ABCA9: variants seen among roughly 807,000 people sequenced by gnomAD.
The protein encoded by ABCA9 is ATP-binding cassette sub-family A member 9.
In ABCA9, 183 loss-of-function variants were observed where a neutral mutation model predicts 205.3. The observed-to-expected ratio is 0.89, with a 90% CI of 0.79 to 1.01. The LOEUF (loss-of-function observed/expected upper bound fraction) is 1.01. ABCA9 is among the 50% of genes least tolerant of loss of function. ABCA9 has a pLI of 0.00. For synonymous variants in ABCA9, 651 were observed against 683.3 expected (o/e 0.95, Z 0.74); for missense variants, 1,805 against 1,912.4 (o/e 0.94, Z 1.05).
intron 23 of ABCA9, among the ~76,000 whole-genome samples, chr17:69,009,119 A>C (rs1353612904): frequency 4.0e-5 from 6 of 150,280 alleles, no homozygotes; most frequent in Admixed American, 6.6e-5. Flanking sequence ...CTGGCTTCAT[A>C]TTGGTCACGG....
the ABCA9 span, among the ~76,000 whole-genome samples, chr17:69,066,290 C>T: frequency 1.3e-5 from 2 of 152,000 alleles, no homozygotes; most frequent in Non-Finnish European, 2.9e-5. Flanking sequence ...CCTCACAGAG[C>T]CTGGAACATG....
rs567412760 is a variant in ABCA9 at position 69,023,598 on chromosome 17, A to G, written c.2281+616T>C. 2.0e-4 allele frequency among the ~76,000 whole-genome samples: 31 copies of G among 152,300 alleles called. No individual in the cohort carries two copies. Among genetic ancestry groups the G allele is most frequent in the African/African-American group, 7.0e-4 (29 of 41,546 alleles). On this transcript the variant is annotated intron_variant, in intron 17 of 38. Coordinates refer to ENST00000340001, the MANE Select transcript of ABCA9 (RefSeq NM_080283.4). This position sits in a 1 kb window ranked among gnomAD's most constrained non-coding sequence, Gnocchi z 4.2. Reference sequence around the variant, plus strand: ...TTCTTGAACTTGATATGGCAAACACATTTTTACAGAGTAAACTTAAGAAGC... The same window carrying G: ...TTCTTGAACTTGATATGGCAAACACGTTTTTACAGAGTAAACTTAAGAAGC...
chr17:69,024,492 G>T, intron 16 of ABCA9, 139 bp from the exon 17 acceptor site: 1 of 772,550 alleles, frequency 1.3e-6, no homozygotes, highest in Non-Finnish European at 2.0e-6. Context: ...AAAGTAAGAT[G>T]TAAAACTACT....
At position 69,020,401 on chromosome 17, in the gene ABCA9, T is replaced by C. The variant is rs2070771557; in HGVS notation, c.2587A>G (p.Ser863Gly). Residue 863 changes from serine to glycine, a missense_variant, in exon 19 of 39, where the codon AGC (serine) becomes GGC (glycine). Ser to Gly is a moderately conservative substitution (Grantham distance 56). Coordinates refer to ENST00000340001, the MANE Select transcript of ABCA9 (RefSeq NM_080283.4). ...TCAGATACTCACATAGTCCACAGGC[T>C]TTTTCTTTCTTTCTTTAACTTTAGG... ...RFLKLKKERKSLWTILLLFGI... is the reference protein window; with the variant it reads ...RFLKLKKERKGLWTILLLFGI... 6.2e-7 allele frequency: 1 copy of C among 1,613,348 alleles called. No homozygotes were observed. Among genetic ancestry groups the C allele is most frequent in the Non-Finnish European group, 8.5e-7 (1 of 1,179,640 alleles).
At chr17:68,989,256 TCACACACACACACACACACACACA>T (rs71293542) in intron 30 of ABCA9, 138 bp from the exon 31 acceptor site, 2 of 242,996 alleles carry the variant, frequency 8.2e-6, no homozygotes, top group Non-Finnish European at 1.7e-5. Flanking sequence ...TCTCTCTCTC[TCACACACACACACACACACACACA>T]CACACACACA....
the ABCA9 span, among the ~76,000 whole-genome samples, chr17:69,071,290 T>C: frequency 6.6e-6 from 1 of 152,194 alleles, no homozygotes; most frequent in Non-Finnish European, 1.5e-5. Context: ...CTGTGCCTTC[T>C]GACAGAGAGA....
At chr17:68,979,251 G>T (rs1478850235) in intron 37 of ABCA9, among the ~76,000 whole-genome samples, 1 of 151,824 alleles carries the variant, frequency 6.6e-6, no homozygotes, top group Admixed American at 6.6e-5. Flanking sequence ...TCTTCAAGGA[G>T]AACTACAAAC....
intron 1 of ABCA9, among the ~76,000 whole-genome samples, chr17:69,059,902 C>T (rs1020614320): frequency 5.9e-5 from 9 of 152,048 alleles, no homozygotes; most frequent in Admixed American, 4.6e-4. Context: ...ATCATGCCAT[C>T]GGAGCAGGCT....
chr17:69,044,875 C>T (rs550706074), intron 4 of ABCA9, among the ~76,000 whole-genome samples: 29 of 152,108 alleles, frequency 1.9e-4, no homozygotes, highest in East Asian at 3.8e-4. Flanking sequence ...CTGTTGCTTA[C>T]GTCAAGAAAG....
rs760550535 is a variant in ABCA9, at chr17:69,029,245, A to G, written c.1446-18T>C. 6 of 1,484,920 alleles carry G rather than the reference A, an allele frequency of 4.0e-6. No individual in the cohort carries two copies. Among genetic ancestry groups the G allele is most frequent in the Admixed American group, 1.9e-5 (1 of 53,902 alleles). 92.0% of individuals were successfully genotyped at this position (1,484,920 alleles called of 1,614,324 possible). On this transcript the variant is annotated intron_variant, in intron 10 of 38. Coordinates refer to ENST00000340001, the MANE Select transcript of ABCA9 (RefSeq NM_080283.4). Reference sequence around the variant, plus strand: ...TTTTGATTCTGAAAAAAAGAGGGAAATGTTTTCAGAGAATTGTAAAAATGT... The same window carrying G: ...TTTTGATTCTGAAAAAAAGAGGGAAGTGTTTTCAGAGAATTGTAAAAATGT...
At chr17:69,035,569 C>T in intron 7 of ABCA9, 91 bp downstream of exon 7, 1 of 1,513,572 alleles carries the variant, frequency 6.6e-7, no homozygotes, top group Non-Finnish European at 8.9e-7. Flanking sequence ...ACAAAGAGAA[C>T]AAAAGAGGTG....
Position 69,023,309 on chromosome 17 carries a change from G to T in ABCA9, c.2281+905C>A, listed in dbSNP as rs1381806535. ...ATTTAATATTTCAATACATTTGAAG[G>T]TATTAAATCATTTAATCCTCATAAC... On this transcript the variant is annotated intron_variant, in intron 17 of 38. Coordinates refer to ENST00000340001, the MANE Select transcript of ABCA9 (RefSeq NM_080283.4). The surrounding 1 kb of genome is among the most constrained non-coding windows in gnomAD (Gnocchi z 4.2). 6.6e-6 allele frequency: 1 copy of T among 152,108 alleles called. No homozygotes were observed. Among genetic ancestry groups the T allele is most frequent in the Non-Finnish European group, 1.5e-5 (1 of 68,036 alleles). 9.4% of individuals were successfully genotyped at this position (152,108 alleles called of 1,614,324 possible). A position where few individuals can be genotyped will look rare whatever the true frequency, so the allele number is the denominator to read the frequency against.
At chr17:69,008,511 ATCTTT>A (rs1353378228) in intron 23 of ABCA9, among the ~76,000 whole-genome samples, 1 of 152,216 alleles carries the variant, frequency 6.6e-6, no homozygotes, top group East Asian at 1.9e-4. Flanking sequence ...GTGAGAAGAC[ATCTTT>A]TCTTTGCAAG....
chr17:69,021,351 CAGAG>C (rs921582216), intron 18 of ABCA9, among the ~76,000 whole-genome samples: 7 of 152,048 alleles, frequency 4.6e-5, no homozygotes, highest in African/African-American at 1.7e-4. Flanking sequence ...AAAGATGAGA[CAGAG>C]AGCAAACTTT....
At chr17:68,999,979 T>A (rs2069787463) in intron 25 of ABCA9, among the ~76,000 whole-genome samples, 1 of 152,178 alleles carries the variant, frequency 6.6e-6, no homozygotes, top group Non-Finnish European at 1.5e-5. Context: ...GGGTTGTTTG[T>A]TTTTTCTCGT....
At chr17:69,017,409 A>G (rs1193860068) in intron 21 of ABCA9, among the ~76,000 whole-genome samples, 1 of 152,188 alleles carries the variant, frequency 6.6e-6, no homozygotes, top group Non-Finnish European at 1.5e-5. Flanking sequence ...AATTGATAAT[A>G]ACGATCTAAA....
chr17:68,995,712 G>A (rs1174636009), intron 26 of ABCA9, among the ~76,000 whole-genome samples, 183 bp downstream of exon 26: 1 of 152,142 alleles, frequency 6.6e-6, no homozygotes, highest in Non-Finnish European at 1.5e-5. Context: ...ATAAACCAAA[G>A]CTGGCTTCCT....
In ABCA9 at chr17:68,977,604, AG is replaced by A. The variant is rs1300267740; in HGVS notation, c.4721-1415del. Among the ~76,000 whole-genome samples the A allele has an allele frequency of 5.3e-5, 8 of 152,298 alleles. 1 individual carries two copies. The South Asian group carries it at 1.5e-3, about 28-fold the overall frequency. On this transcript the variant is annotated intron_variant, in intron 37 of 38. Transcript: ENST00000340001. ...GCATGTGAGGCTAGGGTTTTGCTGG[AG>A]TTTACATTACCCAGCAGAGATTGGT...
chr17:69,018,503 G>T lies in ABCA9; in HGVS notation c.2677C>A (p.Pro893Thr). 1 of 1,607,854 alleles carries T rather than the reference G, an allele frequency of 6.2e-7. No individual in the cohort carries two copies. Among genetic ancestry groups the T allele is most frequent in the Non-Finnish European group, 8.5e-7 (1 of 1,177,332 alleles). Residue 893 changes from proline to threonine, a missense_variant, in exon 20 of 39, where the codon CCG becomes ACG. Transcript: ENST00000340001. ...TATGTATTTGGAGACAGTTCCCACGGGTAACTTTTCTGATATGACTCGTAG... is the reference window on the plus strand; with the variant it reads ...TATGTATTTGGAGACAGTTCCCACGTGTAACTTTTCTGATATGACTCGTAG... ...LFYESYQKSY[P>T]WELSPNTYFL...
Sources: gnomAD v4.1 joint callset for allele counts (sites outside exome capture counted in the v4.1 genomes callset) on GRCh38, gnomAD v4.1.1 for gene constraint, Gnocchi (gnomAD v3.1) non-coding constraint, MANE v1.5 for transcripts, NCBI Gene and HGNC (gene_info 2026-07-23, HGNC 2026-07-21) for gene names.